IVD: variants seen among roughly 807,000 people sequenced by gnomAD.
IVD encodes isovaleryl-CoA dehydrogenase, mitochondrial.
IVD carries 31 observed loss-of-function variants against 51.3 expected under a neutral mutation model. That is an observed-to-expected ratio of 0.60 (90% CI 0.45 to 0.81). The LOEUF (loss-of-function observed/expected upper bound fraction) is 0.81, where lower values mean the gene tolerates loss of function less well. Ranked by LOEUF, IVD falls within the 40% of genes least tolerant of loss-of-function variation. The pLI is 0.00. For synonymous variants in IVD, 205 were observed against 219.4 expected, an observed-to-expected ratio of 0.93 and a Z score of 0.58; for missense variants, 475 against 552.0, an observed-to-expected ratio of 0.86 and a Z score of 1.40.
chr15:40,435,262 C>G (rs1410964101), intron 8 of IVD, among the ~76,000 whole-genome samples: 2 of 152,148 alleles, frequency 1.3e-5, no homozygotes, highest in Non-Finnish European at 2.9e-5. Flanking sequence ...GACACGGATT[C>G]TGGGAGGGCT....
At chr15:40,433,099 T>C (rs1893072407) in intron 7 of IVD, among the ~76,000 whole-genome samples, 1 of 152,262 alleles carries the variant, frequency 6.6e-6, no homozygotes, top group Non-Finnish European at 1.5e-5. Context: ...AAAGTCTGCA[T>C]TCTTAACCAC....
In IVD at chr15:40,413,484, A is replaced by G. The variant is rs1053907133; in HGVS notation, c.784+397A>G. On this transcript the variant is annotated intron_variant, in intron 7 of 11. Transcript: ENST00000487418. ...AGCATTAATGATGCTAAGAAAAAAA[A>G]ACAAAACATCTGAATCCACTGATGG... is the stretch of plus-strand genomic sequence containing the variant. Among the ~76,000 whole-genome samples, 42 of 152,276 alleles carry G rather than the reference A, an allele frequency of 2.8e-4. 1 individual carries two copies. Among genetic ancestry groups the G allele is most frequent in the Non-Finnish European group, 4.4e-5 (3 of 68,032 alleles).
In IVD at chr15:40,419,243, G is replaced by T; in HGVS notation, c.*980G>T. 7.8e-7 allele frequency: 1 copy of T among 1,288,990 alleles called. No individual in the cohort carries two copies. The highest frequency in any genetic ancestry group is 1.5e-5 in the African/African-American group (1 of 65,994). The allele number at this position is 1,288,990 out of a possible 1,614,324, so 79.8% of individuals were successfully genotyped here. ...TATGCTTGCTTGGCCAGGCAAGGTG[G>T]TGTGTGCCTGTAATCCCAGCACTTT... is the stretch of plus-strand genomic sequence containing the variant. On this transcript the variant is annotated 3_prime_UTR_variant, in exon 12 of 12. Transcript: ENST00000487418.
At chr15:40,411,488 G>C in intron 5 of IVD, 67 bp from the exon 6 acceptor site, 1 of 1,611,046 alleles carries the variant, frequency 6.2e-7, no homozygotes, top group South Asian at 1.1e-5. Flanking sequence ...TTGCTCAGCA[G>C]AAGGTCTATG....
intron 8 of IVD, 132 bp downstream of exon 8, chr15:40,415,114 A>G (rs1891514942): frequency 9.7e-7 from 1 of 1,030,934 alleles, no homozygotes; most frequent in Non-Finnish European, 1.4e-6. Flanking sequence ...CTCCTGGGAG[A>G]TGAAAGGAAC....
chr15:40,410,860 C>G, intron 4 of IVD, 63 bp downstream of exon 4: 1 of 1,579,436 alleles, frequency 6.3e-7, no homozygotes. Context: ...AAAAGATACC[C>G]TCTCCCCTTG....
chr15:40,421,881 A>G (rs1330510160), downstream of IVD, among the ~76,000 whole-genome samples: 1 of 152,058 alleles, frequency 6.6e-6, no homozygotes, highest in East Asian at 1.9e-4. Flanking sequence ...ATGGGACTAG[A>G]CCTGGTGTCA....
At chr15:40,430,393 G>C (rs945734561) in intron 7 of IVD, among the ~76,000 whole-genome samples, 2 of 152,358 alleles carry the variant, frequency 1.3e-5, no homozygotes, top group African/African-American at 4.8e-5. Flanking sequence ...GTGTGACTGA[G>C]CCCGAGAGAT....
At chr15:40,415,126 TC>T (rs1891517259) in intron 8 of IVD, 144 bp downstream of exon 8, 2 of 915,562 alleles carry the variant, frequency 2.2e-6, no homozygotes, top group Admixed American at 4.9e-5. Flanking sequence ...GAAAGGAACC[TC>T]CTCTTCCCAT....
downstream of IVD, chr15:40,424,186 C>A (rs528573506): frequency 2.5e-4 from 325 of 1,288,242 alleles, 1 homozygote; most frequent in South Asian, 3.8e-3. Flanking sequence ...TATCAAGCTC[C>A]CCGCAAATTC....
Position 40,419,103 on chromosome 15 carries a change from T to C in IVD, c.*840T>C. Reference sequence around the variant, plus strand: ...GTGAGCCGAGCTTGTGCCATTGCACTCCAGCCTGGGCGACAAGAGCAAAAC... The same window carrying C: ...GTGAGCCGAGCTTGTGCCATTGCACCCCAGCCTGGGCGACAAGAGCAAAAC... On this transcript the variant is annotated 3_prime_UTR_variant, in exon 12 of 12. Transcript: ENST00000487418. 7.9e-7 allele frequency: 1 copy of C among 1,267,034 alleles called. No individual in the cohort carries two copies. The highest frequency in any genetic ancestry group is 1.0e-6 in the Non-Finnish European group (1 of 968,864). 78.5% of individuals were successfully genotyped at this position (1,267,034 alleles called of 1,614,324 possible).
chr15:40,418,679 C>A lies in IVD; in HGVS notation c.*416C>A, dbSNP rs1466009249. On this transcript the variant is annotated 3_prime_UTR_variant, in exon 12 of 12. Transcript: ENST00000487418. The stretch of plus-strand genomic sequence containing the variant: ...TTGGGTGAGGCTCTGGCAAGGAGAT[C>A]TCTCTGCTCAAGCACAGCAGAATCA... The A allele has an allele frequency of 1.8e-6, 2 of 1,140,170 alleles. No individual in the cohort carries two copies. The highest frequency in any genetic ancestry group is 1.3e-4 in the East Asian group (2 of 15,156). 70.6% of individuals were successfully genotyped at this position (1,140,170 alleles called of 1,614,324 possible).
chr15:40,435,776 C>T, downstream of IVD: 1 of 911,314 alleles, frequency 1.1e-6, no homozygotes, highest in Non-Finnish European at 1.3e-6. Context: ...TTTCCCCTAC[C>T]TATGGCAGCC....
chr15:40,408,901 G>A (rs1890754927), intron 3 of IVD, among the ~76,000 whole-genome samples: 1 of 152,034 alleles, frequency 6.6e-6, no homozygotes, highest in Non-Finnish European at 1.5e-5. Context: ...AGTGAGCTGA[G>A]ATTGTGCCAC....
chr15:40,422,585 C>CTTTGTT (rs1892399144), downstream of IVD, among the ~76,000 whole-genome samples: 1 of 69,134 alleles, frequency 1.4e-5, no homozygotes, highest in African/African-American at 8.2e-5. Context: ...GCCCGGCCGA[C>CTTTGTT]TTTTTTTTTT....
chr15:40,412,946 T>C (rs765902924), intron 6 of IVD, 45 bp from the exon 7 acceptor site: 1 of 1,548,258 alleles, frequency 6.5e-7, no homozygotes, highest in Admixed American at 1.7e-5. Flanking sequence ...CCAGGCCCCC[T>C]TGGGGCTAAT....
chr15:40,432,037 C>G (rs1387480039), intron 7 of IVD, among the ~76,000 whole-genome samples: 1 of 149,688 alleles, frequency 6.7e-6, no homozygotes. Flanking sequence ...CATCTTGGCT[C>G]ACTGCAATCT....
chr15:40,419,172 T>G lies in IVD; in HGVS notation c.*909T>G, dbSNP rs1387299112. 40 of 1,289,108 alleles carry G rather than the reference T, an allele frequency of 3.1e-5. No individual in the cohort carries two copies. Among genetic ancestry groups the G allele is most frequent in the Non-Finnish European group, 3.8e-5 (38 of 988,850 alleles). The allele number at this position is 1,289,108 out of a possible 1,614,324, so 79.9% of individuals were successfully genotyped here. ...AAACAAAAAAACCCTGGCCCTTGTT[T>G]CTTCCAGTTTCTAGAGGTATCAGCT... On this transcript the variant is annotated 3_prime_UTR_variant, in exon 12 of 12. Coordinates refer to ENST00000487418, the MANE Select transcript of IVD (RefSeq NM_002225.5).
Position 40,405,810 on chromosome 15 carries a change from T to C in IVD, c.-18T>C, listed in dbSNP as rs1340969058. On this transcript the variant is annotated 5_prime_UTR_variant, in exon 1 of 12. Transcript: ENST00000487418. ...GAGCTGGCTCAGTTTCAGCGCTGGC[T>C]CTTCGTGCATGGCAGAGATGGCGAC... 1 of 1,608,020 alleles carries C rather than the reference T, an allele frequency of 6.2e-7. No individual in the cohort carries two copies. The highest frequency in any genetic ancestry group is 1.3e-5 in the African/African-American group (1 of 74,796).
Sources: allele counts gnomAD v4.1 joint callset (sites outside exome capture counted in the v4.1 genomes callset), GRCh38; gene constraint gnomAD v4.1.1; transcripts MANE v1.5; gene names NCBI Gene and HGNC (gene_info 2026-07-23, HGNC 2026-07-21).